The following AGGF1 variants were observed in gnomAD, a reference collection of about 807,000 sequenced individuals.
The protein encoded by AGGF1 is angiogenic factor with G-patch and FHA domains 1, also known as angiogenic factor with G patch and FHA domains 1.
A neutral mutation model predicts 86.5 loss-of-function variants in AGGF1; 56 were observed. The ratio of observed to expected loss-of-function variants is 0.65; its 90% CI spans 0.52 to 0.81. The LOEUF (loss-of-function observed/expected upper bound fraction) is 0.81. AGGF1 is among the 30% of genes least tolerant of loss of function. AGGF1 has a pLI of 0.00. For synonymous variants in AGGF1, 313 were observed against 297.1 expected (o/e 1.05, Z -0.55); for missense variants, 816 against 850.9 (o/e 0.96, Z 0.51).
chr5:77,034,450 G>T lies in AGGF1; in HGVS notation c.243G>T (p.Gly81=). ...AACTCAGTAAAATACTCCAACGTGG[G>T]AGAAATGAAGATAATAAAAAGTCTG... ...VEELSKILQR[G]RNEDNKKSDV... The change falls in exon 2 of 14, where the codon GGG becomes GGT. Residue 81 remains glycine (G), a synonymous_variant. Coordinates refer to ENST00000312916, the MANE Select transcript of AGGF1 (RefSeq NM_018046.5). 1 of 1,613,398 alleles carries T rather than the reference G, an allele frequency of 6.2e-7. No homozygotes were observed. Among genetic ancestry groups the T allele is most frequent in the Non-Finnish European group, 8.5e-7 (1 of 1,179,528 alleles).
At chr5:77,058,072 AG>A (rs1336672308) in intron 11 of AGGF1, among the ~76,000 whole-genome samples, 1 of 152,230 alleles carries the variant, frequency 6.6e-6, no homozygotes, top group Non-Finnish European at 1.5e-5. Context: ...TGGATTACAA[AG>A]AGAGACAAGG....
chr5:77,031,820 C>A (rs1305447870), intron 1 of AGGF1, among the ~76,000 whole-genome samples: 1 of 152,116 alleles, frequency 6.6e-6, no homozygotes, highest in Non-Finnish European at 1.5e-5. Context: ...AGGAGAATTG[C>A]TTGAACCTAG....
intron 5 of AGGF1, among the ~76,000 whole-genome samples, chr5:77,045,469 T>G (rs959632563): frequency 3.0e-4 from 46 of 152,310 alleles, no homozygotes; most frequent in African/African-American, 1.1e-3. Context: ...AAATGTTCAT[T>G]TATTATAAGG....
rs1405042397 is a variant in AGGF1, at chr5:77,043,873, G to A, written c.871-2474G>A. The stretch of plus-strand genomic sequence containing the variant: ...TCCTCACTTCTCAGACGGGGCGGCC[G>A]GGCAGAGACGCTCGTCACCTCCCAG... On this transcript the variant is annotated intron_variant, in intron 5 of 13. Transcript: ENST00000312916. 5.7e-5 allele frequency among the ~76,000 whole-genome samples: 8 copies of A among 141,236 alleles called. No homozygotes were observed. The East Asian group carries it at 6.6e-4, about 12-fold the overall frequency. The allele number at this position is 141,236 out of a possible 152,430, so 92.7% of individuals were successfully genotyped here. A position where few individuals can be genotyped will look rare whatever the true frequency, so the allele number is the denominator to read the frequency against.
chr5:77,052,656 T>C (rs369727304), intron 8 of AGGF1, 50 bp from the exon 9 acceptor site: 1 of 1,337,632 alleles, frequency 7.5e-7, no homozygotes, highest in Non-Finnish European at 1.1e-6. Flanking sequence ...AAATTGTCCA[T>C]AGTTTTGAAA....
chr5:77,063,225 G>T lies in AGGF1; in HGVS notation c.2118G>T (p.Met706Ile), dbSNP rs1309756235. The change falls in exon 14 of 14, where the codon ATG (methionine) becomes ATT (isoleucine). Residue 706 changes from methionine (M) to isoleucine (I), a missense_variant. Met to Ile is a conservative substitution (Grantham distance 10, BLOSUM62 1). This residue lies in a region of AGGF1 where 565 missense variants were observed against 585.8 expected (regional missense o/e 0.96). Coordinates refer to ENST00000312916, the MANE Select transcript of AGGF1 (RefSeq NM_018046.5). ...CTCAAAAAGATGACCCAGGGACCAT[G>T]CCTTGGGTAAAAGGGACTTTAGAGT... ...TKPQKDDPGTMPWVKGTLE is the reference protein window; with the variant it reads ...TKPQKDDPGTIPWVKGTLE The T allele has an allele frequency of 6.2e-7, 1 of 1,613,708 alleles. No homozygotes were observed. The highest frequency in any genetic ancestry group is 1.7e-5 in the Admixed American group (1 of 59,978).
At chr5:77,047,346 A>C (rs1279912687) in intron 6 of AGGF1, among the ~76,000 whole-genome samples, 4 of 149,824 alleles carry the variant, frequency 2.7e-5, no homozygotes, top group Admixed American at 6.6e-5. Context: ...TAAGTTATAC[A>C]GAAGGATGCA....
intron 4 of AGGF1, among the ~76,000 whole-genome samples, chr5:77,037,370 A>G (rs755262110): frequency 2.0e-5 from 3 of 152,216 alleles, no homozygotes; most frequent in African/African-American, 2.4e-5. Context: ...TATATCAAAT[A>G]CTTTATGAAT....
At position 77,046,587 on chromosome 5, in the gene AGGF1, G is replaced by C; in HGVS notation, c.1111G>C (p.Gly371Arg). 1 of 1,613,838 alleles carries C rather than the reference G, an allele frequency of 6.2e-7. No individual in the cohort carries two copies. The highest frequency in any genetic ancestry group is 8.5e-7 in the Non-Finnish European group (1 of 1,179,858). The change falls in exon 6 of 14, where the codon GGT (glycine) becomes CGT (arginine). Residue 371 changes from glycine to arginine, a missense_variant. Transcript: ENST00000312916. ...GGAGACTGATAGTGAACCAGAGGAA[G>C]GTGAAATTACAGACTCTCAGACTGA... is the stretch of plus-strand genomic sequence containing the variant. The part of the protein sequence containing the change: ...IMETDSEPEE[G>R]EITDSQTEDS...
chr5:77,062,593 T>G (rs1330689719), intron 13 of AGGF1, among the ~76,000 whole-genome samples: 1 of 152,228 alleles, frequency 6.6e-6, no homozygotes, highest in Non-Finnish European at 1.5e-5. Flanking sequence ...CAGTAAATGG[T>G]AGCTTTGAAT....
Position 77,064,611 on chromosome 5 carries a change from T to C in AGGF1, c.*1359T>C, listed in dbSNP as rs1561293741. On this transcript the variant is annotated 3_prime_UTR_variant, in exon 14 of 14. Coordinates refer to ENST00000312916, the MANE Select transcript of AGGF1 (RefSeq NM_018046.5). Reference sequence around the variant, plus strand: ...GGACAATCAGGCCCTAAACTCCAAATTTGGATAAAATATCTCTTTGCATTC... The same window carrying C: ...GGACAATCAGGCCCTAAACTCCAAACTTGGATAAAATATCTCTTTGCATTC... 6.6e-6 allele frequency: 1 copy of C among 152,192 alleles called. No individual in the cohort carries two copies. Among genetic ancestry groups the C allele is most frequent in the African/African-American group, 2.4e-5 (1 of 41,452 alleles). The allele number at this position is 152,192 out of a possible 1,614,324, so 9.4% of individuals were successfully genotyped here.
At chr5:77,062,519 G>A (rs1055114879) in intron 13 of AGGF1, among the ~76,000 whole-genome samples, 3 of 152,130 alleles carry the variant, frequency 2.0e-5, no homozygotes, top group African/African-American at 7.2e-5. Flanking sequence ...ATGGGGATAA[G>A]AACTCTTTTT....
rs1489043011 is a variant in AGGF1 at position 77,059,628 on chromosome 5, G to A, written c.1729G>A (p.Glu577Lys). Residue 577 changes from glutamate (E) to lysine (K), a missense_variant, in exon 12 of 14, where the codon GAA becomes AAA. Physicochemically the swap from Glu to Lys is moderately conservative, Grantham distance 56 (BLOSUM62 1). Transcript: ENST00000312916. ...TGTGTTTATTAAGAATACAGAATAC[G>A]AAGATGAAAAGACATTGAAGAATCC... is the stretch of plus-strand genomic sequence containing the variant. ...VKYGLQNTEY[E>K]DEKTLKNPKY... 5.6e-6 allele frequency: 9 copies of A among 1,606,400 alleles called. No individual in the cohort carries two copies. Among genetic ancestry groups the A allele is most frequent in the East Asian group, 2.2e-5 (1 of 44,846 alleles).
intron 7 of AGGF1, 70 bp from the exon 8 acceptor site, chr5:77,048,866 A>G: frequency 1.4e-6 from 2 of 1,446,666 alleles, no homozygotes; most frequent in Non-Finnish European, 1.9e-6. Flanking sequence ...CTGTTTTTTA[A>G]AATTCTTTCC....
chr5:77,047,889 A>T (rs1337644999), intron 6 of AGGF1, among the ~76,000 whole-genome samples: 1 of 149,508 alleles, frequency 6.7e-6, no homozygotes, highest in Non-Finnish European at 1.5e-5. Flanking sequence ...GGATTTTTTC[A>T]GATTCTGAAA....
At position 77,036,834 on chromosome 5, in the gene AGGF1, T is replaced by A. The variant is rs1746978661; in HGVS notation, c.681+114T>A. ...CTCACTGCAACTTTCACCCCCCAGGTTCAAGTGATTCTTATGTCTCAGCAT... is the reference window on the plus strand; with the variant it reads ...CTCACTGCAACTTTCACCCCCCAGGATCAAGTGATTCTTATGTCTCAGCAT... On this transcript the variant is annotated intron_variant, in intron 4 of 13. Coordinates refer to ENST00000312916, the MANE Select transcript of AGGF1 (RefSeq NM_018046.5). 4 of 1,131,342 alleles carry A rather than the reference T, an allele frequency of 3.5e-6. No homozygotes were observed. The South Asian group carries it at 5.2e-5, about 15-fold the overall frequency. The allele number at this position is 1,131,342 out of a possible 1,614,324, so 70.1% of individuals were successfully genotyped here. A position where few individuals can be genotyped will look rare whatever the true frequency, so the allele number is the denominator to read the frequency against.
Position 77,035,832 on chromosome 5 carries a change from C to A in AGGF1, c.516+89C>A. On this transcript the variant is annotated intron_variant, in intron 3 of 13. Coordinates refer to ENST00000312916, the MANE Select transcript of AGGF1 (RefSeq NM_018046.5). ...TGTGGAAAGATAGACTTCTTTGGTCCGTCACAGCATATATAAGGGTTATAA... is the reference window on the plus strand; with the variant it reads ...TGTGGAAAGATAGACTTCTTTGGTCAGTCACAGCATATATAAGGGTTATAA... 1 of 1,133,268 alleles carries A rather than the reference C, an allele frequency of 8.8e-7. No homozygotes were observed. The highest frequency in any genetic ancestry group is 1.3e-6 in the Non-Finnish European group (1 of 750,868). 70.2% of individuals were successfully genotyped at this position (1,133,268 alleles called of 1,614,324 possible).
intron 11 of AGGF1, 58 bp downstream of exon 11, chr5:77,055,654 A>G: frequency 8.4e-7 from 1 of 1,197,242 alleles, no homozygotes; most frequent in Non-Finnish European, 1.2e-6. Flanking sequence ...TTGAGTAAAA[A>G]TGTCTTTAAA....
At chr5:77,052,682 A>G (rs769744977) in intron 8 of AGGF1, 24 bp from the exon 9 acceptor site, 2 of 1,529,764 alleles carry the variant, frequency 1.3e-6, no homozygotes, top group East Asian at 2.3e-5. Context: ...AATAATTAAT[A>G]ATTGCTTGAT....
Sources: allele counts gnomAD v4.1 joint callset (sites outside exome capture counted in the v4.1 genomes callset), GRCh38; gene constraint gnomAD v4.1.1; regional missense constraint gnomAD v4.1.1; transcripts MANE v1.5; gene names NCBI Gene and HGNC (gene_info 2026-07-23, HGNC 2026-07-21).